EPPK1: variants seen among roughly 807,000 people sequenced by gnomAD.
EPPK1 encodes epiplakin.
For missense variants in EPPK1, 3,823 were observed against 3,673.3 expected, an observed-to-expected ratio of 1.04 and a Z score of -1.05; for synonymous variants, 1,862 against 1,721.2, an observed-to-expected ratio of 1.08 and a Z score of -2.03.
intron 1 of EPPK1, among the ~76,000 whole-genome samples, chr8:143,874,436 C>G (rs1819441651): frequency 6.6e-6 from 1 of 152,224 alleles, no homozygotes; most frequent in African/African-American, 2.4e-5. Flanking sequence ...TGTTATCCAA[C>G]ATAACTAGTG....
At position 143,866,846 on chromosome 8, in the gene EPPK1, C is replaced by A; in HGVS notation, c.6408G>T (p.Lys2136Asn). Reference sequence around the variant, plus strand: ...TTCTATACATCCTCACCAGCTGGAGCTTCTTCTCCTCTGTCACGTATTCGG... The same window carrying A: ...TTCTATACATCCTCACCAGCTGGAGATTCTTCTCCTCTGTCACGTATTCGG... ...LNSEYVTEEK[K>N]LQLVRMYRTH... The change falls in exon 2 of 2, where the codon AAG (lysine) becomes AAT (asparagine). Residue 2136 changes from lysine (K) to asparagine (N), a missense_variant. Physicochemically the swap from Lys to Asn is moderately conservative, Grantham distance 94 (BLOSUM62 0). Transcript: ENST00000615648. 6.2e-7 allele frequency: 1 copy of A among 1,613,330 alleles called. No homozygotes were observed. The highest frequency in any genetic ancestry group is 8.5e-7 in the Non-Finnish European group (1 of 1,179,826).
At position 143,857,691 on chromosome 8, in the gene EPPK1, G is replaced by A. The variant is rs781988535; in HGVS notation, c.*296C>T. The A allele has an allele frequency of 1.4e-4, 53 of 371,870 alleles. No homozygotes were observed. Among genetic ancestry groups the A allele is most frequent in the Non-Finnish European group, 2.4e-4 (51 of 209,418 alleles). The allele number at this position is 371,870 out of a possible 1,614,324, so 23.0% of individuals were successfully genotyped here. ...AAGAGTGACATTCTGTAAAATGGAA[G>A]CAGTGAATCCAAAACAGACAGAAAA... On this transcript the variant is annotated 3_prime_UTR_variant, in exon 2 of 2. Coordinates refer to ENST00000615648, the MANE Select transcript of EPPK1 (RefSeq NM_031308.4).
In EPPK1 at chr8:143,870,030, G is replaced by A. The variant is rs1554660588; in HGVS notation, c.3224C>T (p.Thr1075Ile). The change falls in exon 2 of 2, where the codon ACA becomes ATA. Residue 1075 changes from threonine to isoleucine, a missense_variant. Physicochemically the swap from Thr to Ile is moderately conservative, Grantham distance 89 (BLOSUM62 -1). Coordinates refer to ENST00000615648, the MANE Select transcript of EPPK1 (RefSeq NM_031308.4). The surrounding 1 kb of genome is among the most constrained non-coding windows in gnomAD (Gnocchi z 5.2). Reference protein sequence around the residue: ...QRGYVDQEMETALSSSSETFP... With the variant: ...QRGYVDQEMEIALSSSSETFP... ...GGTTTCGGAGGAGCTGGACAAGGCTGTCTCCATCTCCTGGTCAACATAGCC... is the reference window on the plus strand; with the variant it reads ...GGTTTCGGAGGAGCTGGACAAGGCTATCTCCATCTCCTGGTCAACATAGCC... The A allele has an allele frequency of 1.9e-6, 3 of 1,611,114 alleles. No individual in the cohort carries two copies. The highest frequency in any genetic ancestry group is 2.5e-6 in the Non-Finnish European group (3 of 1,179,124).
Position 143,871,287 on chromosome 8 carries a change from G to C in EPPK1, c.1967C>G (p.Pro656Arg). 1.2e-6 allele frequency: 2 copies of C among 1,612,802 alleles called. No homozygotes were observed. Among genetic ancestry groups the C allele is most frequent in the Non-Finnish European group, 1.7e-6 (2 of 1,179,772 alleles). The change falls in exon 2 of 2, where the codon CCA becomes CGA. Residue 656 changes from proline (P) to arginine (R), a missense_variant. Physicochemically the swap from Pro to Arg is moderately radical, Grantham distance 103. Transcript: ENST00000615648. ...AACGGAGTGCCCCTTGTTTGCTTTT[G>C]GGTCGATGATGAAGCCTGTGGCAGC... ...AQAATGFIID[P>R]KANKGHSVEE...
At chr8:143,873,546 C>T (rs73715516) in intron 1 of EPPK1, among the ~76,000 whole-genome samples, 3,742 of 152,150 alleles carry the variant, frequency 0.025, 163 homozygotes, top group African/African-American at 0.084. Context: ...TCTCGGGACT[C>T]CAGGGCTGTC....
rs1819119717 is a variant in EPPK1 at position 143,866,647 on chromosome 8, C to T, written c.6607G>A (p.Gly2203Arg). The stretch of plus-strand genomic sequence containing the variant: ...ATGAGCTCTTGCGTCGTGCTCCGTC[C>T]CGTTTCCAGGTCCTGGAGCATTTCC... ...TEEMLQDLET[G>R]RSTTQELMED... The change falls in exon 2 of 2, where the codon GGA becomes AGA. Residue 2203 changes from glycine to arginine, a missense_variant. Gly to Arg is a moderately radical substitution (Grantham distance 125). Coordinates refer to ENST00000615648, the MANE Select transcript of EPPK1 (RefSeq NM_031308.4). 2 of 1,612,940 alleles carry T rather than the reference C, an allele frequency of 1.2e-6. No homozygotes were observed. The highest frequency in any genetic ancestry group is 1.7e-6 in the Non-Finnish European group (2 of 1,179,886).
In EPPK1 at chr8:143,867,779, C is replaced by T. The variant is rs1554659625; in HGVS notation, c.5475G>A (p.Glu1825=). 5.6e-6 allele frequency: 9 copies of T among 1,613,730 alleles called. No homozygotes were observed. The highest frequency in any genetic ancestry group is 1.1e-5 in the South Asian group (1 of 91,078). Residue 1825 remains glutamate (E), a synonymous_variant, in exon 2 of 2, where the codon GAG becomes GAA. Coordinates refer to ENST00000615648, the MANE Select transcript of EPPK1 (RefSeq NM_031308.4). ...QEYGAQSGGL[E]KLLEIITTTI... ...TCGTGGTGATGATTTCCAGCAATTT[C>T]TCCAGGCCCCCACTCTGGGCTCCAT...
Position 143,872,171 on chromosome 8 carries a change from C to T in EPPK1, c.1083G>A (p.Gln361=). 1.9e-6 allele frequency: 3 copies of T among 1,590,530 alleles called. No homozygotes were observed. Among genetic ancestry groups the T allele is most frequent in the Non-Finnish European group, 2.6e-6 (3 of 1,169,124 alleles). ...ELHEQLLVAE[Q]AVTGHHDPFS... is the part of the protein sequence containing the mutation. ...AGGGGTCGTGGTGCCCTGTCACGGCCTGCTCGGCCACCAGGAGCTGCTCAT... is the reference window on the plus strand; with the variant it reads ...AGGGGTCGTGGTGCCCTGTCACGGCTTGCTCGGCCACCAGGAGCTGCTCAT... The change falls in exon 2 of 2, where the codon CAG becomes CAA. Residue 361 remains glutamine, a synonymous_variant. Coordinates refer to ENST00000615648, the MANE Select transcript of EPPK1 (RefSeq NM_031308.4).
At position 143,870,425 on chromosome 8, in the gene EPPK1, C is replaced by T; in HGVS notation, c.2829G>A (p.Arg943=). The change falls in exon 2 of 2, where the codon CGG becomes CGA. Residue 943 remains arginine (R), a synonymous_variant. Transcript: ENST00000615648. This position sits in a 1 kb window ranked among gnomAD's most constrained non-coding sequence, Gnocchi z 5.2. ...GCCTCATGGCCTGGTAGAGGCTGAG[C>T]CGCTGGCCAGAGGGCAGCAGCCGCA... is the stretch of plus-strand genomic sequence containing the variant. ...GGVRLLPSGQ[R]LSLYQAMRQK... The T allele has an allele frequency of 1.3e-6, 2 of 1,593,738 alleles. No individual in the cohort carries two copies. The highest frequency in any genetic ancestry group is 1.7e-6 in the Non-Finnish European group (2 of 1,175,256).
Position 143,866,962 on chromosome 8 carries a change from C to T in EPPK1, c.6292G>A (p.Glu2098Lys), listed in dbSNP as rs185044374. 2.7e-4 allele frequency: 428 copies of T among 1,612,842 alleles called. No individual in the cohort carries two copies. The highest frequency in any genetic ancestry group is 4.4e-4 in the South Asian group (40 of 91,084). Residue 2098 changes from glutamate (E) to lysine (K), a missense_variant, in exon 2 of 2, where the codon GAG (glutamate) becomes AAG (lysine). Transcript: ENST00000615648. The stretch of plus-strand genomic sequence containing the variant: ...TCTGCCTCCAGGGCCCTTCTCGTCT[C>T]GTCATCGATGTGCTCGGAGTCCCGT... ...AARDSEHIDDETRRALEAEQV... is the reference protein window; with the variant it reads ...AARDSEHIDDKTRRALEAEQV...
At position 143,871,574 on chromosome 8, in the gene EPPK1, A is replaced by G; in HGVS notation, c.1680T>C (p.Phe560=). 6.2e-7 allele frequency: 1 copy of G among 1,610,216 alleles called. No individual in the cohort carries two copies. Among genetic ancestry groups the G allele is most frequent in the Non-Finnish European group, 8.5e-7 (1 of 1,178,964 alleles). Reference sequence around the variant, plus strand: ...GTGTCACGGTGTCCCTCAGCCCAGAAAAGGTGACCCTGGCAGTGGCTGCAG... The same window carrying G: ...GTGTCACGGTGTCCCTCAGCCCAGAGAAGGTGACCCTGGCAGTGGCTGCAG... ...EQAAATARVT[F]SGLRDTVTPG... is the part of the protein sequence containing the mutation. Residue 560 remains phenylalanine, a synonymous_variant, in exon 2 of 2, where the codon TTT becomes TTC. Transcript: ENST00000615648.
In EPPK1 at chr8:143,857,951, T is replaced by A; in HGVS notation, c.*36A>T. On this transcript the variant is annotated 3_prime_UTR_variant, in exon 2 of 2. Transcript: ENST00000615648. ...AGACACACAAGTATGCCTCCACTTC[T>A]CCAGAGTTGCAGAAAACTGCACGGA... 3 of 1,118,496 alleles carry A rather than the reference T, an allele frequency of 2.7e-6. No homozygotes were observed. The highest frequency in any genetic ancestry group is 3.8e-6 in the Non-Finnish European group (3 of 790,808). 69.3% of individuals were successfully genotyped at this position (1,118,496 alleles called of 1,614,324 possible). A position where few individuals can be genotyped will look rare whatever the true frequency, so the allele number is the denominator to read the frequency against.
rs1819257905 is a variant in EPPK1 at position 143,869,386 on chromosome 8, C to A, written c.3868G>T (p.Val1290Phe). Residue 1290 changes from valine to phenylalanine, a missense_variant, in exon 2 of 2, where the codon GTT becomes TTT. Coordinates refer to ENST00000615648, the MANE Select transcript of EPPK1 (RefSeq NM_031308.4). ...LEAQVASGFL[V>F]DPLNNQRLSV... ...AGTCTCTGGTTGTTCAGGGGGTCAA[C>A]AAGGAAGCCAGATGCCACCTGGGCT... The A allele has an allele frequency of 1.2e-6, 2 of 1,610,058 alleles. No individual in the cohort carries two copies. The highest frequency in any genetic ancestry group is 1.7e-5 in the Admixed American group (1 of 59,844).
rs368876986 is a variant in EPPK1, at chr8:143,870,749, C to T, written c.2505G>A (p.Glu835=). The change falls in exon 2 of 2, where the codon GAG becomes GAA. Residue 835 remains glutamate, a synonymous_variant. Transcript: ENST00000615648. The surrounding 1 kb of genome is among the most constrained non-coding windows in gnomAD (Gnocchi z 5.2). ...RFQGQRVSAW[E]LINSEYFSEG... is the part of the protein sequence containing the mutation. ...CGCTGAAGTACTCAGAGTTGATCAG[C>T]TCCCACGCGGAGACCCTCTGCCCCT... 1.9e-6 allele frequency: 3 copies of T among 1,612,446 alleles called. No individual in the cohort carries two copies. The highest frequency in any genetic ancestry group is 2.5e-6 in the Non-Finnish European group (3 of 1,179,826).
At position 143,870,395 on chromosome 8, in the gene EPPK1, C is replaced by T. The variant is rs1287909984; in HGVS notation, c.2859G>A (p.Lys953=). Residue 953 remains lysine, a synonymous_variant, in exon 2 of 2, where the codon AAG becomes AAA. Coordinates refer to ENST00000615648, the MANE Select transcript of EPPK1 (RefSeq NM_031308.4). The surrounding 1 kb of genome is among the most constrained non-coding windows in gnomAD (Gnocchi z 5.2). ...RLSLYQAMRQ[K]LLGPRVALAL... ...CCAGGGCCACCCTGGGCCCCAGCAG[C>T]TTCTGCCTCATGGCCTGGTAGAGGC... The T allele has an allele frequency of 2.5e-5, 39 of 1,578,840 alleles. No individual in the cohort carries two copies. Among genetic ancestry groups the T allele is most frequent in the Non-Finnish European group, 3.3e-5 (39 of 1,168,380 alleles).
chr8:143,876,348 G>A (rs1252684873), intron 1 of EPPK1, among the ~76,000 whole-genome samples: 1 of 152,214 alleles, frequency 6.6e-6, no homozygotes, highest in Non-Finnish European at 1.5e-5. Context: ...CCAGTCTGGA[G>A]GACGGGGAGG....
chr8:143,876,251 C>T (rs1819475503), intron 1 of EPPK1, among the ~76,000 whole-genome samples: 1 of 152,186 alleles, frequency 6.6e-6, no homozygotes, highest in Non-Finnish European at 1.5e-5. Flanking sequence ...GAACATCACC[C>T]CCAGCCCTAG....
rs1554659289 is a variant in EPPK1 at position 143,867,060 on chromosome 8, T to G, written c.6194A>C (p.Tyr2065Ser). 6.2e-7 allele frequency: 1 copy of G among 1,612,908 alleles called. No homozygotes were observed. The highest frequency in any genetic ancestry group is 2.2e-5 in the East Asian group (1 of 44,874). The change falls in exon 2 of 2, where the codon TAC (tyrosine) becomes TCC (serine). Residue 2065 changes from tyrosine (Y) to serine (S), a missense_variant. Physicochemically the swap from Tyr to Ser is moderately radical, Grantham distance 144. Transcript: ENST00000615648. ...VDPNTQEKVSYRELQERCRPQ... is the reference protein window; with the variant it reads ...VDPNTQEKVSSRELQERCRPQ... ...GCGGCACCTCTCCTGCAGCTCTCGG[T>G]ACGAGACCTTCTCTTGCGTGTTCGG... is the stretch of plus-strand genomic sequence containing the variant.
chr8:143,870,013 AG>A lies in EPPK1; in HGVS notation c.3240del (p.Ser1081ProfsTer96), dbSNP rs1472281911. On this transcript the variant is annotated frameshift_variant, in exon 2 of 2. Transcript: ENST00000615648. LOFTEE classifies it low-confidence loss of function (END_TRUNC). The surrounding 1 kb of genome is among the most constrained non-coding windows in gnomAD (Gnocchi z 5.2). ...DQEMETALSS[S>X]SETFPTPDGQ... The stretch of plus-strand genomic sequence containing the variant: ...CCGTCCGGTGTGGGGAAGGTTTCGG[AG>A]GAGCTGGACAAGGCTGTCTCCATCT... The A allele has an allele frequency of 6.2e-7, 1 of 1,609,892 alleles. No homozygotes were observed. The highest frequency in any genetic ancestry group is 2.2e-5 in the East Asian group (1 of 44,830).
Sources: allele counts gnomAD v4.1 joint callset (sites outside exome capture counted in the v4.1 genomes callset), GRCh38; gene constraint gnomAD v4.1.1; non-coding constraint Gnocchi (gnomAD v3.1); transcripts MANE v1.5; gene names NCBI Gene and HGNC (gene_info 2026-07-23, HGNC 2026-07-21).